TACR3: variants seen among roughly 807,000 people sequenced by gnomAD.
The protein encoded by TACR3 is neuromedin-K receptor.
A neutral mutation model predicts 35.0 loss-of-function variants in TACR3; 34 were observed. The observed-to-expected ratio is 0.97, with a 90% CI of 0.74 to 1.30. The LOEUF (loss-of-function observed/expected upper bound fraction) is 1.30, where lower values mean the gene tolerates loss of function less well. Among genes scored for constraint, TACR3 ranks in the 50% most tolerant of loss-of-function variants. The pLI is 0.00. For synonymous variants in TACR3, 233 were observed against 221.1 expected (o/e 1.05, Z -0.48); for missense variants, 558 against 591.7 (o/e 0.94, Z 0.59).
At chr4:103,622,895 C>G (rs553736590) in intron 3 of TACR3, among the ~76,000 whole-genome samples, 1 of 151,980 alleles carries the variant, frequency 6.6e-6, no homozygotes, top group African/African-American at 2.4e-5. Context: ...GGCATTCACC[C>G]AATTTTAAGA....
rs182737052 is a variant in TACR3, at chr4:103,624,904, C to G, written c.888+31290G>C. The stretch of plus-strand genomic sequence containing the variant: ...TACAGTTTGAATTGTCAGAACAATT[C>G]TAAATTTGTCTTTAAAAAGTGTGGG... On this transcript the variant is annotated intron_variant, in intron 3 of 4. Transcript: ENST00000304883. Among the ~76,000 whole-genome samples the G allele has an allele frequency of 1.2e-3, 178 of 152,000 alleles. 1 individual carries two copies. The highest frequency in any genetic ancestry group is 4.0e-3 in the African/African-American group (164 of 41,470).
At position 103,652,245 on chromosome 4, in the gene TACR3, C is replaced by T. The variant is rs868155890; in HGVS notation, c.888+3949G>A. Among the ~76,000 whole-genome samples the T allele has an allele frequency of 2.0e-5, 3 of 152,110 alleles. No homozygotes were observed. In the East Asian group the frequency reaches 5.8e-4, roughly 29 times the overall value. The stretch of plus-strand genomic sequence containing the variant: ...AGGACTTTAGCCCACTGTGGTGAGG[C>T]GTGGGAGAACTCAACTTCTGACCCG... On this transcript the variant is annotated intron_variant, in intron 3 of 4. Transcript: ENST00000304883.
intron 1 of TACR3, among the ~76,000 whole-genome samples, chr4:103,694,644 C>G (rs1722483278): frequency 6.6e-6 from 1 of 152,076 alleles, no homozygotes; most frequent in South Asian, 2.1e-4. Context: ...TTATACATAG[C>G]AAGCAGACAA....
chr4:103,697,581 C>A (rs189870815), intron 1 of TACR3, among the ~76,000 whole-genome samples: 1 of 151,886 alleles, frequency 6.6e-6, no homozygotes, highest in Non-Finnish European at 1.5e-5. Flanking sequence ...CCCGCCACCA[C>A]GCCCGGCTAA....
intron 1 of TACR3, among the ~76,000 whole-genome samples, chr4:103,674,832 G>A (rs1293656033): frequency 6.6e-6 from 1 of 152,202 alleles, no homozygotes; most frequent in Non-Finnish European, 1.5e-5. Context: ...TTACAGGCGT[G>A]AGCCACCGCG....
At chr4:103,652,961 A>T (rs1336955154) in intron 3 of TACR3, among the ~76,000 whole-genome samples, 1 of 152,134 alleles carries the variant, frequency 6.6e-6, no homozygotes, top group Non-Finnish European at 1.5e-5. Context: ...AAAGAAAAAA[A>T]TTAAGAGAAG....
At chr4:103,638,918 A>G (rs1413475089) in intron 3 of TACR3, among the ~76,000 whole-genome samples, 1 of 152,180 alleles carries the variant, frequency 6.6e-6, no homozygotes, top group Admixed American at 6.5e-5. Flanking sequence ...TAGAATGGCG[A>G]TCATTAAAAA....
intron 1 of TACR3, among the ~76,000 whole-genome samples, chr4:103,702,949 T>C (rs1722693965): frequency 6.6e-6 from 1 of 150,640 alleles, no homozygotes; most frequent in South Asian, 2.1e-4. Flanking sequence ...ATACCTAATG[T>C]TAAAAGACAA....
chr4:103,688,856 C>T lies in TACR3; in HGVS notation c.548+30272G>A, dbSNP rs539695784. Among the ~76,000 whole-genome samples the T allele has an allele frequency of 1.9e-3, 293 of 152,216 alleles. 3 individuals carry two copies. The highest frequency in any genetic ancestry group is 3.5e-3 in the Non-Finnish European group (235 of 68,020). On this transcript the variant is annotated intron_variant, in intron 1 of 4. Coordinates refer to ENST00000304883, the MANE Select transcript of TACR3 (RefSeq NM_001059.3). ...GGCAGTGTGGCGATTCCTCAGGGAT[C>T]TAGAACTAGAAATACCATTTGACCC...
intron 3 of TACR3, among the ~76,000 whole-genome samples, chr4:103,630,383 C>G (rs573207854): frequency 1.3e-5 from 2 of 152,226 alleles, no homozygotes; most frequent in East Asian, 3.9e-4. Flanking sequence ...AAAGAAACTA[C>G]CATCAGAGTG....
rs75747825 is a variant in TACR3, at chr4:103,699,114, C to T, written c.548+20014G>A. On this transcript the variant is annotated intron_variant, in intron 1 of 4. Transcript: ENST00000304883. ...AACCTTGTTTTCATGGAAATTCTAACACTATAGGGGAGAGAGGCAAAAGTA... is the reference window on the plus strand; with the variant it reads ...AACCTTGTTTTCATGGAAATTCTAATACTATAGGGGAGAGAGGCAAAAGTA... Among the ~76,000 whole-genome samples, 1,148 of 152,208 alleles carry T rather than the reference C, an allele frequency of 7.5e-3. 12 individuals are homozygous for T. The highest frequency in any genetic ancestry group is 0.027 in the African/African-American group (1,106 of 41,498).
chr4:103,588,769 G>T lies in TACR3; in HGVS notation c.*913C>A, dbSNP rs1293444824. ...TTTTCCCTAAGGAGTTGCCTTTGAA[G>T]ATATTTTCTCCTAGTCCTTATTCTA... On this transcript the variant is annotated 3_prime_UTR_variant, in exon 5 of 5. Transcript: ENST00000304883. The T allele has an allele frequency of 6.6e-6, 1 of 152,048 alleles. No homozygotes were observed. The highest frequency in any genetic ancestry group is 1.5e-5 in the Non-Finnish European group (1 of 67,982). 9.4% of individuals were successfully genotyped at this position (152,048 alleles called of 1,614,324 possible). A position where few individuals can be genotyped will look rare whatever the true frequency, so the allele number is the denominator to read the frequency against.
intron 3 of TACR3, among the ~76,000 whole-genome samples, chr4:103,632,594 C>T (rs186042452): frequency 1.5e-3 from 219 of 150,208 alleles, no homozygotes; most frequent in African/African-American, 5.0e-3. Context: ...TGCAGCAAAC[C>T]ACCATGGCAC....
intron 3 of TACR3, among the ~76,000 whole-genome samples, chr4:103,641,184 G>C (rs1199929289): frequency 6.6e-6 from 1 of 151,692 alleles, no homozygotes; most frequent in African/African-American, 2.4e-5. Flanking sequence ...ATGTGTTCTT[G>C]GTACCTTTGT....
intron 3 of TACR3, among the ~76,000 whole-genome samples, chr4:103,640,770 A>G (rs1725338962): frequency 2.0e-5 from 3 of 151,792 alleles, no homozygotes. Context: ...TTAGCTCATC[A>G]GCTATCATTA....
At chr4:103,649,979 T>C (rs1454566290) in intron 3 of TACR3, among the ~76,000 whole-genome samples, 1 of 152,098 alleles carries the variant, frequency 6.6e-6, no homozygotes, top group African/African-American at 2.4e-5. Flanking sequence ...GGACCCATCC[T>C]TCTTGGGAAG....
chr4:103,610,974 C>T (rs555256683), intron 3 of TACR3, among the ~76,000 whole-genome samples: 194 of 152,100 alleles, frequency 1.3e-3, no homozygotes, highest in Non-Finnish European at 2.4e-3. Flanking sequence ...TCTGTTCCAT[C>T]GGTATATGTG....
chr4:103,631,436 A>G (rs1250078366), intron 3 of TACR3, among the ~76,000 whole-genome samples: 1 of 152,096 alleles, frequency 6.6e-6, no homozygotes, highest in Non-Finnish European at 1.5e-5. Context: ...CCTATGTATT[A>G]TTTTACTTAT....
At chr4:103,666,389 G>A (rs1285653643) in intron 1 of TACR3, among the ~76,000 whole-genome samples, 4 of 152,064 alleles carry the variant, frequency 2.6e-5, no homozygotes, top group Non-Finnish European at 2.9e-5. Context: ...ACTATGGAAG[G>A]CCAGCTCTAC....
Sources: allele counts gnomAD v4.1 joint callset (sites outside exome capture counted in the v4.1 genomes callset), GRCh38; gene constraint gnomAD v4.1.1; transcripts MANE v1.5; gene names NCBI Gene and HGNC (gene_info 2026-07-23, HGNC 2026-07-21).